RDH10: variants seen among roughly 807,000 people sequenced by gnomAD.
The protein encoded by RDH10 is retinol dehydrogenase 10.
In RDH10, 12 loss-of-function variants were observed where a neutral mutation model predicts 30.2. The observed-to-expected ratio is 0.40, with a 90% CI of 0.25 to 0.64. RDH10 has a LOEUF of 0.64. Among genes scored for constraint, RDH10 ranks in the 30% least tolerant of loss-of-function variants. The probability of loss-of-function intolerance (pLI) is 0.43; values close to 1 mark genes in which losing one functional copy is unlikely to be tolerated. For missense variants in RDH10, 268 were observed against 445.2 expected (o/e 0.60, Z 3.58); for synonymous variants, 189 against 172.2 (o/e 1.10, Z -0.76).
At position 73,323,151 on chromosome 8, in the gene RDH10, T is replaced by C. The variant is rs1814798134; in HGVS notation, c.*115T>C. 5.8e-6 allele frequency: 5 copies of C among 863,670 alleles called. No individual in the cohort carries two copies. The highest frequency in any genetic ancestry group is 9.0e-6 in the Non-Finnish European group (5 of 556,338). 53.5% of individuals were successfully genotyped at this position (863,670 alleles called of 1,614,324 possible). Reference sequence around the variant, plus strand: ...TTCTAAACTTGTGTTGTTTCTTTTTTAAATCAACTTTTTAAAAAAATAAAG... The same window carrying C: ...TTCTAAACTTGTGTTGTTTCTTTTTCAAATCAACTTTTTAAAAAAATAAAG... On this transcript the variant is annotated 3_prime_UTR_variant, in exon 6 of 6. Coordinates refer to ENST00000240285, the MANE Select transcript of RDH10 (RefSeq NM_172037.5).
At chr8:73,307,174 G>A (rs1814478817) in intron 2 of RDH10, among the ~76,000 whole-genome samples, 1 of 152,176 alleles carries the variant, frequency 6.6e-6, no homozygotes, top group Admixed American at 6.5e-5. Context: ...AAATGGGACT[G>A]ATAAAAGAAG....
rs145171413 is a variant in RDH10, at chr8:73,297,226, T to C, written c.322T>C (p.Cys108Arg). Residue 108 changes from cysteine (C) to arginine (R), a missense_variant, in exon 2 of 6, where the codon TGT becomes CGT. By Grantham distance (180) the Cys-to-Arg change is radical. Coordinates refer to ENST00000240285, the MANE Select transcript of RDH10 (RefSeq NM_172037.5). ...GNGEEEILPH[C>R]NLQVFTYTCD... The stretch of plus-strand genomic sequence containing the variant: ...TGGTGAGGAAGAAATTCTGCCCCAC[T>C]GTAACTTGCAGGTTTTTACCTACAC... 2 of 1,613,632 alleles carry C rather than the reference T, an allele frequency of 1.2e-6. No homozygotes were observed. Among genetic ancestry groups the C allele is most frequent in the Admixed American group, 1.7e-5 (1 of 60,024 alleles).
chr8:73,301,085 C>T (rs1181493763), intron 2 of RDH10, among the ~76,000 whole-genome samples: 1 of 121,864 alleles, frequency 8.2e-6, no homozygotes, highest in Non-Finnish European at 1.6e-5. Flanking sequence ...GAGTCTCGCT[C>T]TGTCGCCCAG....
intron 2 of RDH10, among the ~76,000 whole-genome samples, chr8:73,317,241 T>A (rs1814686547): frequency 6.6e-6 from 1 of 152,150 alleles, no homozygotes; most frequent in Non-Finnish European, 1.5e-5. Context: ...TAGAATAATA[T>A]TAGATAAAGG....
rs531400445 is a variant in RDH10, at chr8:73,300,589, T to C, written c.525+3160T>C. Among the ~76,000 whole-genome samples the C allele has an allele frequency of 7.2e-5, 11 of 152,342 alleles. No homozygotes were observed. The South Asian group carries it at 2.3e-3, about 32-fold the overall frequency. Reference sequence around the variant, plus strand: ...CATTTAAGTAACCGTTAATATCTGTTTTCAGCAGTTAATACCTGTATTTCA... The same window carrying C: ...CATTTAAGTAACCGTTAATATCTGTCTTCAGCAGTTAATACCTGTATTTCA... On this transcript the variant is annotated intron_variant, in intron 2 of 5. Transcript: ENST00000240285.
chr8:73,319,279 C>T (rs777251031), intron 3 of RDH10, 85 bp downstream of exon 3: 14 of 889,982 alleles, frequency 1.6e-5, no homozygotes, highest in Non-Finnish European at 2.4e-5. Flanking sequence ...GCACCTGCTG[C>T]CCCTCCATTC....
chr8:73,313,769 C>G (rs1488704185), intron 2 of RDH10, among the ~76,000 whole-genome samples: 1 of 152,182 alleles, frequency 6.6e-6, no homozygotes, highest in East Asian at 1.9e-4. Context: ...GTAAAGAGGA[C>G]ACTGCAATAG....
intron 4 of RDH10, chr8:73,321,863 T>A (rs1350505735): frequency 2.2e-6 from 1 of 456,260 alleles, no homozygotes; most frequent in South Asian, 1.5e-5. Context: ...GGAAGGTGAT[T>A]TGAATCACTC....
At chr8:73,322,550 T>A in intron 4 of RDH10, 129 bp from the exon 5 acceptor site, 1 of 772,156 alleles carries the variant, frequency 1.3e-6, no homozygotes, top group South Asian at 1.9e-5. Flanking sequence ...AGAAAAGCAC[T>A]ATGAAGAAAA....
chr8:73,301,161 C>T (rs1268257769), intron 2 of RDH10, among the ~76,000 whole-genome samples: 4 of 149,466 alleles, frequency 2.7e-5, no homozygotes, highest in Non-Finnish European at 5.9e-5. Context: ...CGCCATTCTC[C>T]TGCCTCAGCC....
At chr8:73,312,716 A>G (rs1280270076) in intron 2 of RDH10, 1 of 152,212 alleles carries the variant, frequency 6.6e-6, no homozygotes, top group Admixed American at 6.5e-5. Context: ...CAAAGTTTAC[A>G]TCATGCTATT....
At position 73,294,996 on chromosome 8, in the gene RDH10, G is replaced by C; in HGVS notation, c.-294G>C. 2.6e-6 allele frequency: 1 copy of C among 383,172 alleles called. No individual in the cohort carries two copies. The highest frequency in any genetic ancestry group is 3.7e-5 in the East Asian group (1 of 26,954). The allele number at this position is 383,172 out of a possible 1,614,324, so 23.7% of individuals were successfully genotyped here. A position where few individuals can be genotyped will look rare whatever the true frequency, so the allele number is the denominator to read the frequency against. The stretch of plus-strand genomic sequence containing the variant: ...CACCGCCACTGCAGCGGAGCCGGCC[G>C]GCCGGGCGCTGCGGGACGGGCGGGC... On this transcript the variant is annotated 5_prime_UTR_variant, in exon 1 of 6. Coordinates refer to ENST00000240285, the MANE Select transcript of RDH10 (RefSeq NM_172037.5).
chr8:73,295,549 T>C lies in RDH10; in HGVS notation c.260T>C (p.Leu87Pro). 1 of 1,542,640 alleles carries C rather than the reference T, an allele frequency of 6.5e-7. No homozygotes were observed. Among genetic ancestry groups the C allele is most frequent in the Middle Eastern group, 1.7e-4 (1 of 5,860 alleles). ...ATGGTGCGCCACATCTACCGCGACC[T>C]GGAGGCGGCCGACGCCGCTGCGCTG... ...AGMVRHIYRD[L>P]EAADAAALQA... The change falls in exon 1 of 6, where the codon CTG (leucine) becomes CCG (proline). Residue 87 changes from leucine (L) to proline (P), a missense_variant. By Grantham distance (98) the Leu-to-Pro change is moderately conservative. Around this residue, in one of 4 missense-constraint regions of RDH10, gnomAD observed 46 missense variants for 36.7 expected, o/e 1.25. Coordinates refer to ENST00000240285, the MANE Select transcript of RDH10 (RefSeq NM_172037.5).
rs1187055336 is a variant in RDH10 at position 73,319,076 on chromosome 8, T to G, written c.526-20T>G. 3 of 1,539,372 alleles carry G rather than the reference T, an allele frequency of 1.9e-6. No homozygotes were observed. In the South Asian group the frequency reaches 3.4e-5, roughly 18 times the overall value. On this transcript the variant is annotated intron_variant, in intron 2 of 5. Coordinates refer to ENST00000240285, the MANE Select transcript of RDH10 (RefSeq NM_172037.5). ...AATTCATGAAATCAGTTCTAAAACT[T>G]GAATCTTACTTTGTTTCAGACCACT...
chr8:73,308,762 G>A (rs757110945), intron 2 of RDH10, among the ~76,000 whole-genome samples: 4 of 152,140 alleles, frequency 2.6e-5, no homozygotes, highest in Admixed American at 6.5e-5. Flanking sequence ...TTTGAACCAG[G>A]CTTTACCTGA....
chr8:73,311,099 C>T (rs563056506), intron 2 of RDH10: 1 of 152,172 alleles, frequency 6.6e-6, no homozygotes, highest in East Asian at 1.9e-4. Flanking sequence ...TCAGCGTGAC[C>T]TCAGTATTCG....
chr8:73,306,876 CA>C (rs1487055206), intron 2 of RDH10, among the ~76,000 whole-genome samples: 1 of 152,062 alleles, frequency 6.6e-6, no homozygotes, highest in Admixed American at 6.6e-5. Context: ...CAATAGGGCT[CA>C]AAATAACATA....
intron 2 of RDH10, among the ~76,000 whole-genome samples, chr8:73,314,302 G>A (rs1163177631): frequency 6.6e-6 from 1 of 152,200 alleles, no homozygotes; most frequent in African/African-American, 2.4e-5. Flanking sequence ...AATTAGAAAA[G>A]AAAACTAGTC....
At chr8:73,319,327 A>G (rs903703537) in intron 3 of RDH10, 133 bp downstream of exon 3, 10 of 613,816 alleles carry the variant, frequency 1.6e-5, no homozygotes, top group Middle Eastern at 2.9e-4. Flanking sequence ...TGTGTGCTGC[A>G]TGTAGAATGT....
Sources: allele counts gnomAD v4.1 joint callset (sites outside exome capture counted in the v4.1 genomes callset), GRCh38; gene constraint gnomAD v4.1.1; regional missense constraint gnomAD v4.1.1; transcripts MANE v1.5; gene names NCBI Gene and HGNC (gene_info 2026-07-23, HGNC 2026-07-21).